DHX57: variants seen among roughly 807,000 people sequenced by gnomAD.
The protein encoded by DHX57 is putative ATP-dependent RNA helicase DHX57.
DHX57 carries 105 observed loss-of-function variants against 156.2 expected under a neutral mutation model. The observed-to-expected ratio is 0.67, with a 90% CI of 0.57 to 0.79. The LOEUF is 0.79. Ranked by LOEUF, DHX57 falls within the 30% of genes least tolerant of loss-of-function variation. The pLI, the probability that DHX57 is intolerant of heterozygous loss-of-function variation, is 0.00. For synonymous variants in DHX57, 704 were observed against 595.6 expected, an observed-to-expected ratio of 1.18 and a Z score of -2.65; for missense variants, 1,847 against 1,661.9, an observed-to-expected ratio of 1.11 and a Z score of -1.94.
intron 16 of DHX57, among the ~76,000 whole-genome samples, chr2:38,825,105 G>C (rs78221815): frequency 1.1e-4 from 16 of 152,134 alleles, no homozygotes; most frequent in Non-Finnish European, 1.9e-4. Flanking sequence ...TTAGAGAAAA[G>C]TGCAACATAA....
chr2:38,860,940 T>C, intron 5 of DHX57, 59 bp downstream of exon 5: 2 of 1,483,780 alleles, frequency 1.3e-6, no homozygotes, highest in African/African-American at 1.4e-5. Flanking sequence ...CTTAAAGGCT[T>C]TGACTTCTAA....
At chr2:38,860,952 C>A in intron 5 of DHX57, 47 bp downstream of exon 5, 1 of 1,532,838 alleles carries the variant, frequency 6.5e-7, no homozygotes. Flanking sequence ...GACTTCTAAA[C>A]CCATCATTCT....
intron 15 of DHX57, 128 bp from the exon 16 acceptor site, chr2:38,826,175 T>C (rs1424253206): frequency 9.9e-7 from 1 of 1,005,458 alleles, no homozygotes; most frequent in African/African-American, 1.6e-5. Flanking sequence ...TATTCTGGGA[T>C]AGTTGAGCCC....
In DHX57 at chr2:38,813,727, C is replaced by T. The variant is rs530647122; in HGVS notation, c.3681+94G>A. On this transcript the variant is annotated intron_variant, in intron 21 of 23. Coordinates refer to ENST00000457308, the MANE Select transcript of DHX57 (RefSeq NM_198963.3). ...CGTGTGTGCACACATGCGTATATAT[C>T]TCTTTAAGATGATTAATATGCACAT... is the stretch of plus-strand genomic sequence containing the variant. 21 of 1,421,888 alleles carry T rather than the reference C, an allele frequency of 1.5e-5. No individual in the cohort carries two copies. The African/African-American group carries it at 2.7e-4, about 18-fold the overall frequency. 88.1% of individuals were successfully genotyped at this position (1,421,888 alleles called of 1,614,324 possible).
At chr2:38,807,343 T>C (rs1669997315) in intron 21 of DHX57, among the ~76,000 whole-genome samples, 1 of 151,858 alleles carries the variant, frequency 6.6e-6, no homozygotes. Flanking sequence ...CGTGAGCCAC[T>C]ACAACCGGAC....
intron 1 of DHX57, among the ~76,000 whole-genome samples, chr2:38,869,945 C>A (rs1474527215): frequency 6.6e-6 from 1 of 151,788 alleles, no homozygotes; most frequent in Non-Finnish European, 1.5e-5. Flanking sequence ...ACAATTAAAG[C>A]AGTAAAGGAA....
intron 12 of DHX57, among the ~76,000 whole-genome samples, chr2:38,839,444 G>A (rs1671861569): frequency 6.6e-6 from 1 of 151,652 alleles, no homozygotes; most frequent in Admixed American, 6.6e-5. Flanking sequence ...GGGCGCGGTG[G>A]CTCATGCCTG....
At chr2:38,836,959 C>T (rs1286801844) in intron 13 of DHX57, among the ~76,000 whole-genome samples, 1 of 151,960 alleles carries the variant, frequency 6.6e-6, no homozygotes, top group African/African-American at 2.4e-5. Flanking sequence ...CTAAGGCAAT[C>T]CTCCCACTCC....
intron 14 of DHX57, 57 bp downstream of exon 14, chr2:38,828,283 A>T: frequency 7.5e-7 from 1 of 1,339,028 alleles, no homozygotes; most frequent in South Asian, 1.3e-5. Flanking sequence ...GAGGGTGATG[A>T]TATCTTTAGA....
At chr2:38,868,925 T>G (rs1035640894) in intron 1 of DHX57, among the ~76,000 whole-genome samples, 1 of 152,022 alleles carries the variant, frequency 6.6e-6, no homozygotes, top group Admixed American at 6.6e-5. Context: ...CCTCAGCCTC[T>G]GGAGTAGCTG....
At chr2:38,874,752 A>G (rs1037890484) in intron 1 of DHX57, among the ~76,000 whole-genome samples, 18 of 152,100 alleles carry the variant, frequency 1.2e-4, no homozygotes, top group Non-Finnish European at 2.2e-4. Flanking sequence ...GGAAAAATCC[A>G]CCTGTAAGTG....
Position 38,815,612 on chromosome 2 carries a change from T to C in DHX57, c.3515A>G (p.Asp1172Gly), listed in dbSNP as rs763295085. 22 of 1,613,962 alleles carry C rather than the reference T, an allele frequency of 1.4e-5. No individual in the cohort carries two copies. Among genetic ancestry groups the C allele is most frequent in the Middle Eastern group, 3.3e-4 (2 of 6,084 alleles). The change falls in exon 20 of 24, where the codon GAT becomes GGT. Residue 1172 changes from aspartate to glycine, a missense_variant. By Grantham distance (94) the Asp-to-Gly change is moderately conservative. Transcript: ENST00000457308. ...LKRQFTELLS[D>G]IGFAREGLRA... ...GAGCCCTTCCCTTGCAAACCCTATATCCGATAACAGTTCCGTGAATTGTCG... is the reference window on the plus strand; with the variant it reads ...GAGCCCTTCCCTTGCAAACCCTATACCCGATAACAGTTCCGTGAATTGTCG...
intron 9 of DHX57, 106 bp from the exon 10 acceptor site, chr2:38,848,508 A>C (rs983366708): frequency 8.3e-7 from 1 of 1,198,212 alleles, no homozygotes. Context: ...CTCTGTGAAA[A>C]AAAAAAACCA....
At chr2:38,872,946 T>C (rs1312585210) in intron 1 of DHX57, among the ~76,000 whole-genome samples, 2 of 152,110 alleles carry the variant, frequency 1.3e-5, no homozygotes, top group East Asian at 3.9e-4. Flanking sequence ...CATGAAACAT[T>C]TTCCAGGATA....
chr2:38,803,288 T>C (rs1669783830), intron 22 of DHX57, among the ~76,000 whole-genome samples: 1 of 151,784 alleles, frequency 6.6e-6, no homozygotes. Context: ...CAGATGGAAT[T>C]CTTGATTCTT....
chr2:38,851,515 T>G (rs1672593528), intron 9 of DHX57, among the ~76,000 whole-genome samples: 1 of 152,222 alleles, frequency 6.6e-6, no homozygotes, highest in Non-Finnish European at 1.5e-5. Flanking sequence ...CCCTTTCTTG[T>G]AAACTGGTAT....
At chr2:38,800,068 C>T (rs13419028) in intron 23 of DHX57, among the ~76,000 whole-genome samples, 14,594 of 151,770 alleles carry the variant, frequency 0.096, 752 homozygotes, top group African/African-American at 0.11. Flanking sequence ...GCCTGTAATC[C>T]CAGCTACTTG....
chr2:38,838,788 T>C (rs1671823133), intron 12 of DHX57: 2 of 456,426 alleles, frequency 4.4e-6, no homozygotes, highest in East Asian at 7.0e-5. Context: ...AAAATAAATG[T>C]GATTGTAATA....
At position 38,825,836 on chromosome 2, in the gene DHX57, C is replaced by A. The variant is rs770156325; in HGVS notation, c.3014+11G>T. The A allele has an allele frequency of 1.7e-5, 27 of 1,613,870 alleles. No individual in the cohort carries two copies. The highest frequency in any genetic ancestry group is 2.3e-5 in the Non-Finnish European group (27 of 1,179,912). On this transcript the variant is annotated intron_variant, in intron 16 of 23. Transcript: ENST00000457308. Reference sequence around the variant, plus strand: ...CCTTTTGGAAGCAAAACACAAAAAACCAGATGTCACCTTAGACACAGCTGT... The same window carrying A: ...CCTTTTGGAAGCAAAACACAAAAAAACAGATGTCACCTTAGACACAGCTGT...
Sources: allele counts gnomAD v4.1 joint callset (sites outside exome capture counted in the v4.1 genomes callset), GRCh38; gene constraint gnomAD v4.1.1; transcripts MANE v1.5; gene names NCBI Gene and HGNC (gene_info 2026-07-23, HGNC 2026-07-21).